Variants in CALN1 observed in about 807,000 individuals in gnomAD.
CALN1 encodes calneuron 1.
In CALN1, 17 loss-of-function variants were observed where a neutral mutation model predicts 30.6. That is an observed-to-expected ratio of 0.56 (90% CI 0.38 to 0.83). The LOEUF is 0.83. Ranked by LOEUF, CALN1 falls within the 40% of genes least tolerant of loss-of-function variation. CALN1 has a pLI of 0.00. For missense variants in CALN1, 291 were observed against 354.9 expected (o/e 0.82, Z 1.45); for synonymous variants, 156 against 131.4 (o/e 1.19, Z -1.28).
At chr7:72,467,475 C>G in the CALN1 span, among the ~76,000 whole-genome samples, 1 of 152,076 alleles carries the variant, frequency 6.6e-6, no homozygotes, top group African/African-American at 2.4e-5. Flanking sequence ...GAGGAGGAGC[C>G]GGAGAGAGCC....
chr7:72,382,996 C>T (rs1167962376), intron 2 of CALN1, among the ~76,000 whole-genome samples: 5 of 152,126 alleles, frequency 3.3e-5, no homozygotes, highest in Non-Finnish European at 7.3e-5. Flanking sequence ...CCATATTGGC[C>T]GGGATGGTCT....
At chr7:72,178,242 C>T (rs1789507507) in intron 3 of CALN1, among the ~76,000 whole-genome samples, 1 of 152,132 alleles carries the variant, frequency 6.6e-6, no homozygotes, top group South Asian at 2.1e-4. Context: ...CCAGATGAGA[C>T]TAATTCAGCA....
At chr7:71,936,528 G>T (rs1554388393) in intron 5 of CALN1, among the ~76,000 whole-genome samples, 1 of 152,122 alleles carries the variant, frequency 6.6e-6, no homozygotes, top group Non-Finnish European at 1.5e-5. Context: ...TCTGGGGGAG[G>T]TCAACATGGA....
intron 3 of CALN1, among the ~76,000 whole-genome samples, chr7:72,272,059 C>CA (rs36004477): frequency 0.38 from 46,017 of 120,636 alleles, 8,852 homozygotes; most frequent in Middle Eastern, 0.56. Context: ...AAGATTCTGT[C>CA]AAAAAAAAAA....
At position 72,120,218 on chromosome 7, in the gene CALN1, G is replaced by A. The variant is rs539506420; in HGVS notation, c.245-13924C>T. On this transcript the variant is annotated intron_variant, in intron 3 of 6. Transcript: ENST00000395275. ...AAAATTATCTATATTTCACTGGTCT[G>A]CAATAACCATTACTAACATATTAGC... Among the ~76,000 whole-genome samples the A allele has an allele frequency of 2.0e-5, 3 of 152,146 alleles. No homozygotes were observed. The East Asian group carries it at 5.8e-4, about 29-fold the overall frequency.
chr7:72,387,597 C>G (rs1486137398), intron 2 of CALN1, among the ~76,000 whole-genome samples: 1 of 152,030 alleles, frequency 6.6e-6, no homozygotes, highest in Non-Finnish European at 1.5e-5. Flanking sequence ...GATCTTCCTC[C>G]CCTACACCCA....
chr7:72,113,294 C>T (rs1807706696), intron 3 of CALN1, among the ~76,000 whole-genome samples: 1 of 151,834 alleles, frequency 6.6e-6, no homozygotes, highest in Non-Finnish European at 1.5e-5. Context: ...GCACCTCCCT[C>T]TCTCTCTCTT....
At position 71,971,953 on chromosome 7, in the gene CALN1, AAAAGAAAG is replaced by A. The variant is rs61083921; in HGVS notation, c.501+51696_501+51703del. On this transcript the variant is annotated intron_variant, in intron 5 of 6. Coordinates refer to ENST00000395275, the MANE Select transcript of CALN1 (RefSeq NM_031468.4). ...CTCAAAAAAAAAAAAAAAAAAAAAA[AAAAGAAAG>A]AAAGAAAGAAAGAAAGAAAGAAAGA... Among the ~76,000 whole-genome samples the A allele has an allele frequency of 7.1e-3, 520 of 72,800 alleles. 1 individual carries two copies. Among genetic ancestry groups the A allele is most frequent in the Middle Eastern group, 0.016 (2 of 124 alleles). The allele number at this position is 72,800 out of a possible 152,430, so 47.8% of individuals were successfully genotyped here. A position where few individuals can be genotyped will look rare whatever the true frequency, so the allele number is the denominator to read the frequency against.
chr7:72,368,005 C>T (rs1803977204), intron 2 of CALN1, among the ~76,000 whole-genome samples: 2 of 151,814 alleles, frequency 1.3e-5, no homozygotes, highest in African/African-American at 4.8e-5. Context: ...TGGTGGCAGG[C>T]AGCTACTCAG....
At chr7:72,320,589 C>G (rs1390339946) in intron 2 of CALN1, among the ~76,000 whole-genome samples, 1 of 152,120 alleles carries the variant, frequency 6.6e-6, no homozygotes. Flanking sequence ...AATCCCAACA[C>G]TTTGGGAGGC....
At chr7:72,188,188 C>A (rs555511075) in intron 3 of CALN1, among the ~76,000 whole-genome samples, 7 of 151,358 alleles carry the variant, frequency 4.6e-5, no homozygotes, top group African/African-American at 1.7e-4. Context: ...TTTACAGCAG[C>A]ACGATTTGCA....
At chr7:72,122,381 G>A (rs1359131606) in intron 3 of CALN1, among the ~76,000 whole-genome samples, 1 of 152,060 alleles carries the variant, frequency 6.6e-6, no homozygotes, top group Non-Finnish European at 1.5e-5. Flanking sequence ...GGAGAGAAGG[G>A]AGCAACTCTC....
chr7:71,821,298 T>C (rs1788574068), intron 5 of CALN1, among the ~76,000 whole-genome samples: 1 of 152,126 alleles, frequency 6.6e-6, no homozygotes, highest in South Asian at 2.1e-4. Context: ...TTTATCTTCA[T>C]ATTAATCCGT....
At chr7:72,256,710 A>T (rs1057416303) in intron 3 of CALN1, among the ~76,000 whole-genome samples, 25 of 151,988 alleles carry the variant, frequency 1.6e-4, no homozygotes. Flanking sequence ...GGGCTCAAGC[A>T]ATCCTCCTGC....
intron 2 of CALN1, among the ~76,000 whole-genome samples, chr7:72,332,414 A>G (rs1428430296): frequency 6.6e-6 from 1 of 151,940 alleles, no homozygotes; most frequent in Non-Finnish European, 1.5e-5. Context: ...GTAAACTGAC[A>G]TGGCACATGT....
intron 3 of CALN1, among the ~76,000 whole-genome samples, chr7:72,216,324 G>C (rs1272135793): frequency 2.6e-5 from 4 of 151,956 alleles, no homozygotes; most frequent in Non-Finnish European, 5.9e-5. Context: ...TACTCGGGAG[G>C]CCTAAGCAGG....
At chr7:71,803,756 G>A (rs955796654) in intron 6 of CALN1, among the ~76,000 whole-genome samples, 1 of 151,914 alleles carries the variant, frequency 6.6e-6, no homozygotes. Context: ...TTCCTGCCTG[G>A]GTGCAGGCAG....
At chr7:72,218,949 T>C (rs1793060258) in intron 3 of CALN1, among the ~76,000 whole-genome samples, 1 of 152,092 alleles carries the variant, frequency 6.6e-6, no homozygotes, top group Non-Finnish European at 1.5e-5. Context: ...GAGATGCAAA[T>C]TGTGTACTCC....
intron 2 of CALN1, among the ~76,000 whole-genome samples, chr7:72,400,060 G>A (rs373768523): frequency 1.3e-5 from 2 of 152,258 alleles, no homozygotes; most frequent in South Asian, 2.1e-4. Flanking sequence ...TGTACAGTCT[G>A]CAGAACCATG....
Sources: gnomAD v4.1 joint callset for allele counts (sites outside exome capture counted in the v4.1 genomes callset) on GRCh38, gnomAD v4.1.1 for gene constraint, MANE v1.5 for transcripts, NCBI Gene and HGNC (gene_info 2026-07-23, HGNC 2026-07-21) for gene names.